Variants in FGD5 observed in about 807,000 individuals in gnomAD.
FGD5 encodes FYVE, RhoGEF and PH domain-containing protein 5.
A neutral mutation model predicts 133.4 loss-of-function variants in FGD5; 28 were observed. The observed-to-expected ratio is 0.21, with a 90% confidence interval of 0.16 to 0.29. The LOEUF (loss-of-function observed/expected upper bound fraction) is 0.29. Among genes scored for constraint, FGD5 ranks in the 10% least tolerant of loss-of-function variants. The pLI, the probability that FGD5 is intolerant of heterozygous loss-of-function variation, is 1.00. For missense variants in FGD5, 1,858 were observed against 1,895.2 expected, an observed-to-expected ratio of 0.98 and a Z score of 0.36; for synonymous variants, 810 against 776.5, an observed-to-expected ratio of 1.04 and a Z score of -0.72.
chr3:14,818,731 A>G (rs1324425257), upstream of FGD5, among the ~76,000 whole-genome samples: 1 of 152,154 alleles, frequency 6.6e-6, no homozygotes, highest in African/African-American at 2.4e-5. Flanking sequence ...TGCGTGTAGA[A>G]GAAAGGTCTG....
chr3:14,909,495 G>A (rs545766984), intron 10 of FGD5, among the ~76,000 whole-genome samples: 12 of 152,256 alleles, frequency 7.9e-5, no homozygotes, highest in African/African-American at 1.2e-4. Flanking sequence ...AATTGTATGC[G>A]CCCAGCCTTA....
At chr3:14,816,638 C>T (rs1276072168), upstream of FGD5, among the ~76,000 whole-genome samples, 1 of 152,224 alleles carries the variant, frequency 6.6e-6, no homozygotes, top group Non-Finnish European at 1.5e-5. Flanking sequence ...TTACCCTACT[C>T]TAACAGGTAG....
chr3:14,908,921 AATTTATTTATTT>A (rs748320275), intron 10 of FGD5, among the ~76,000 whole-genome samples: 15 of 149,854 alleles, frequency 1.0e-4, no homozygotes, highest in South Asian at 2.1e-4. Flanking sequence ...ATAAAAAGGG[AATTTATTTATTT>A]ATTTATTTAT....
chr3:14,858,148 C>G (rs887614629), intron 1 of FGD5, among the ~76,000 whole-genome samples: 2 of 152,204 alleles, frequency 1.3e-5, no homozygotes, highest in Admixed American at 6.5e-5. Context: ...GTAATTTGCA[C>G]TGTACTGTGT....
intron 1 of FGD5, among the ~76,000 whole-genome samples, chr3:14,837,167 C>CT (rs1336663459): frequency 6.6e-6 from 1 of 151,142 alleles, no homozygotes; most frequent in African/African-American, 2.4e-5. Flanking sequence ...GACTCCCAGC[C>CT]TGGGGCCCTG....
At position 14,819,651 on chromosome 3, in the gene FGD5, C is replaced by G. The variant is rs752720546; in HGVS notation, c.580C>G (p.Leu194Val). Residue 194 changes from leucine (L) to valine (V), a missense_variant, in exon 1 of 20, where the codon CTC becomes GTC. Around this residue, in one of 3 missense-constraint regions of FGD5, gnomAD observed 1,824 missense variants for 1,848.9 expected, o/e 0.99. Coordinates refer to ENST00000285046, the MANE Select transcript of FGD5 (RefSeq NM_152536.4). This position sits in a 1 kb window ranked among gnomAD's most constrained non-coding sequence, Gnocchi z 4.1. ...WAGEGVFQSDLLLPHIHGEDQ... is the reference protein window; with the variant it reads ...WAGEGVFQSDVLLPHIHGEDQ... ...TGGAGAGGGGGTCTTCCAGAGCGAC[C>G]TCCTCCTGCCTCACATCCATGGAGA... is the stretch of plus-strand genomic sequence containing the variant. The G allele has an allele frequency of 6.5e-7, 1 of 1,548,954 alleles. No homozygotes were observed. The highest frequency in any genetic ancestry group is 1.2e-5 in the South Asian group (1 of 83,564).
At chr3:14,857,388 C>G (rs1474261534) in intron 1 of FGD5, among the ~76,000 whole-genome samples, 2 of 152,166 alleles carry the variant, frequency 1.3e-5, no homozygotes, top group African/African-American at 4.8e-5. Flanking sequence ...CTGCTGGCTT[C>G]AAGCGATCCT....
At chr3:14,854,236 T>C (rs993639920) in intron 1 of FGD5, among the ~76,000 whole-genome samples, 1 of 152,086 alleles carries the variant, frequency 6.6e-6, no homozygotes, top group Admixed American at 6.5e-5. Flanking sequence ...CACCTGGCCC[T>C]TTTCCCGTTT....
chr3:14,862,150 C>T (rs951337611), intron 1 of FGD5, among the ~76,000 whole-genome samples: 3 of 152,316 alleles, frequency 2.0e-5, no homozygotes, highest in Admixed American at 2.0e-4. Flanking sequence ...GCCTGGCATG[C>T]ACCTTCCTTT....
chr3:14,898,631 C>T (rs2038180864), intron 6 of FGD5, 108 bp from the exon 7 acceptor site: 10 of 867,690 alleles, frequency 1.2e-5, no homozygotes, highest in Non-Finnish European at 1.1e-5. Flanking sequence ...AGAAGTTCAG[C>T]TGGCCCGGGA....
Position 14,917,308 on chromosome 3 carries a change from C to T in FGD5, c.3465C>T (p.Asn1155=). The change falls in exon 12 of 20, where the codon AAC becomes AAT. Residue 1155 remains asparagine (N), a synonymous_variant. Coordinates refer to ENST00000285046, the MANE Select transcript of FGD5 (RefSeq NM_152536.4). The surrounding 1 kb of genome is among the most constrained non-coding windows in gnomAD (Gnocchi z 4.1). ...PQKDGKYRLK[N]TLAVANMKVS... is the part of the protein sequence containing the mutation. ...AGGATGGGAAGTACCGGCTGAAGAA[C>T]ACATTGGCTGTGGCCAACATGAAGG... 6.2e-7 allele frequency: 1 copy of T among 1,613,558 alleles called. No individual in the cohort carries two copies. The highest frequency in any genetic ancestry group is 8.5e-7 in the Non-Finnish European group (1 of 1,179,752).
At chr3:14,887,804 G>T (rs1187603339) in intron 4 of FGD5, among the ~76,000 whole-genome samples, 1 of 152,044 alleles carries the variant, frequency 6.6e-6, no homozygotes, top group Admixed American at 6.6e-5. Context: ...GCCAGGTGGG[G>T]GTGCAGTGAA....
intron 1 of FGD5, among the ~76,000 whole-genome samples, chr3:14,853,113 T>C (rs563734364): frequency 2.1e-4 from 32 of 152,278 alleles, no homozygotes; most frequent in Middle Eastern, 6.8e-3. Context: ...ACATTTGCGC[T>C]GTGCTTTGTC....
chr3:14,922,055 A>G lies in FGD5; in HGVS notation c.3669+38A>G, dbSNP rs983232873. ...GCAGGGCCCACGGGCCACCAGCTTC[A>G]GAGACCTGGGGTTCCCTGGGCGGGC... On this transcript the variant is annotated intron_variant, in intron 14 of 19. Transcript: ENST00000285046. This position sits in a 1 kb window ranked among gnomAD's most constrained non-coding sequence, Gnocchi z 4.1. The G allele has an allele frequency of 6.5e-7, 1 of 1,545,920 alleles. No homozygotes were observed. Among genetic ancestry groups the G allele is most frequent in the Non-Finnish European group, 8.8e-7 (1 of 1,142,310 alleles).
chr3:14,900,479 A>T lies in FGD5; in HGVS notation c.3205+26A>T, dbSNP rs762949682. On this transcript the variant is annotated intron_variant, in intron 8 of 19. Transcript: ENST00000285046. ...GTGAGTCCAGCGTGAATGCGGAGGGAGGTACTCAAGCCTGCTCTGCCTCCT... is the reference window on the plus strand; with the variant it reads ...GTGAGTCCAGCGTGAATGCGGAGGGTGGTACTCAAGCCTGCTCTGCCTCCT... 5.0e-6 allele frequency: 8 copies of T among 1,611,184 alleles called. No homozygotes were observed. In the South Asian group the frequency reaches 8.9e-5, roughly 18 times the overall value.
At chr3:14,845,251 TCCA>T (rs2125089248) in intron 1 of FGD5, among the ~76,000 whole-genome samples, 2 of 152,326 alleles carry the variant, frequency 1.3e-5, no homozygotes, top group South Asian at 4.1e-4. Context: ...AAGGGTTTCA[TCCA>T]GCTGCATTCT....
rs1429091069 is a variant in FGD5, at chr3:14,820,895, G to A, written c.1824G>A (p.Thr608=). 3.1e-6 allele frequency: 5 copies of A among 1,613,608 alleles called. No homozygotes were observed. The South Asian group carries it at 4.4e-5, about 14-fold the overall frequency. ...RNHLPSSGTS[T]PSSMVDIPPP... Reference sequence around the variant, plus strand: ...ACCTTCCGTCCAGCGGCACCTCCACGCCTTCTTCCATGGTCGACATCCCAC... The same window carrying A: ...ACCTTCCGTCCAGCGGCACCTCCACACCTTCTTCCATGGTCGACATCCCAC... Residue 608 remains threonine, a synonymous_variant, in exon 1 of 20, where the codon ACG becomes ACA. Transcript: ENST00000285046.
intron 1 of FGD5, among the ~76,000 whole-genome samples, chr3:14,858,645 G>A (rs539661190): frequency 7.6e-4 from 116 of 152,240 alleles, no homozygotes; most frequent in African/African-American, 2.6e-3. Flanking sequence ...AACCAGGCAG[G>A]CACCAGATAG....
intron 7 of FGD5, 75 bp from the exon 8 acceptor site, chr3:14,900,328 G>T (rs776248977): frequency 1.4e-6 from 2 of 1,449,708 alleles, no homozygotes; most frequent in Admixed American, 1.8e-5. Context: ...TGGCAAGAGA[G>T]GGGGTGGCCA....
Sources: allele counts gnomAD v4.1 joint callset (sites outside exome capture counted in the v4.1 genomes callset), GRCh38; gene constraint gnomAD v4.1.1; regional missense constraint gnomAD v4.1.1; non-coding constraint Gnocchi (gnomAD v3.1); transcripts MANE v1.5; gene names NCBI Gene and HGNC (gene_info 2026-07-23, HGNC 2026-07-21).